The following FAM81B variants were observed in gnomAD, a reference collection of about 807,000 sequenced individuals.
The protein encoded by FAM81B is protein FAM81B.
FAM81B carries 60 observed loss-of-function variants against 58.7 expected under a neutral mutation model. The observed-to-expected ratio is 1.02, with a 90% CI of 0.83 to 1.27. The LOEUF (loss-of-function observed/expected upper bound fraction) is 1.27, where lower values mean the gene tolerates loss of function less well. Among genes scored for constraint, FAM81B ranks in the 50% most tolerant of loss-of-function variants. The pLI, the probability that FAM81B is intolerant of heterozygous loss-of-function variation, is 0.00. For missense variants in FAM81B, 491 were observed against 522.0 expected, an observed-to-expected ratio of 0.94 and a Z score of 0.58; for synonymous variants, 189 against 179.6, an observed-to-expected ratio of 1.05 and a Z score of -0.42.
chr5:95,428,527 A>G, intron 5 of FAM81B, 76 bp from the exon 6 acceptor site: 1 of 1,541,850 alleles, frequency 6.5e-7, no homozygotes, highest in South Asian at 1.2e-5. Flanking sequence ...CCATCAAATG[A>G]ATGTGCAGGT....
At position 95,411,097 on chromosome 5, in the gene FAM81B, A is replaced by G. The variant is rs183622600; in HGVS notation, c.294-2850A>G. 1.5e-3 allele frequency among the ~76,000 whole-genome samples: 232 copies of G among 152,318 alleles called. 3 individuals are homozygous for G. Among genetic ancestry groups the G allele is most frequent in the African/African-American group, 5.5e-3 (229 of 41,580 alleles). ...AGGAATGTTGTCATGTTCATGTATA[A>G]AAAATGTGACTTGGTATAGGGTCAG... On this transcript the variant is annotated intron_variant, in intron 3 of 9. Coordinates refer to ENST00000283357, the MANE Select transcript of FAM81B (RefSeq NM_152548.3).
intron 7 of FAM81B, among the ~76,000 whole-genome samples, chr5:95,441,659 AT>A (rs753933190): frequency 1.3e-5 from 2 of 152,196 alleles, no homozygotes; most frequent in Admixed American, 6.5e-5. Flanking sequence ...ACATTTACAA[AT>A]TCAAGTTTAA....
chr5:95,424,292 A>G, intron 5 of FAM81B: 1 of 1,166,098 alleles, frequency 8.6e-7, no homozygotes, highest in Non-Finnish European at 1.1e-6. Flanking sequence ...ACAGACAGAT[A>G]GATGATAGAC....
intron 5 of FAM81B, among the ~76,000 whole-genome samples, chr5:95,428,343 C>CAATAATAAA (rs1406751253): frequency 6.6e-6 from 1 of 152,160 alleles, no homozygotes; most frequent in Non-Finnish European, 1.5e-5. Context: ...AAAATTCCCT[C>CAATAATAAA]AATTTACCAC....
rs1745749842 is a variant in FAM81B, at chr5:95,450,282, A to C, written c.1359A>C (p.Ter453TyrextTer38). 6.2e-7 allele frequency: 1 copy of C among 1,611,236 alleles called. No individual in the cohort carries two copies. Among genetic ancestry groups the C allele is most frequent in the Non-Finnish European group, 8.5e-7 (1 of 1,179,044 alleles). The change falls in exon 10 of 10, where the codon TAA (stop) becomes TAC (tyrosine). Residue 453 changes from the stop codon to tyrosine (Y), a stop_lost. Transcript: ENST00000283357. ...QRKIVELQEV[*>Y] ...AGATAGTGGAACTCCAGGAAGTATA[A>C]ACCTTTTCAGTCATCTTCTTTTTCA... is the stretch of plus-strand genomic sequence containing the variant.
chr5:95,421,572 G>C (rs1475086064), intron 5 of FAM81B, among the ~76,000 whole-genome samples: 1 of 152,002 alleles, frequency 6.6e-6, no homozygotes, highest in Non-Finnish European at 1.5e-5. Context: ...AAGGTAAAGA[G>C]TTCGAACTTT....
intron 3 of FAM81B, 110 bp downstream of exon 3, chr5:95,396,285 T>G (rs761555943): frequency 3.3e-5 from 25 of 762,810 alleles, no homozygotes; most frequent in Middle Eastern, 7.5e-4. Flanking sequence ...CAGAGATGAA[T>G]GTACCTGAAT....
At chr5:95,440,080 A>C in intron 7 of FAM81B, 2 of 497,212 alleles carry the variant, frequency 4.0e-6, no homozygotes, top group South Asian at 3.4e-5. Context: ...CCAGAAAATT[A>C]GACACTACAA....
chr5:95,426,962 T>C (rs1363032366), intron 5 of FAM81B, among the ~76,000 whole-genome samples: 3 of 152,004 alleles, frequency 2.0e-5, no homozygotes, highest in Non-Finnish European at 4.4e-5. Context: ...GGCAGGAGAA[T>C]GGCGTGAACC....
At chr5:95,426,980 C>T (rs561833961) in intron 5 of FAM81B, among the ~76,000 whole-genome samples, 9 of 151,938 alleles carry the variant, frequency 5.9e-5, no homozygotes, top group East Asian at 1.9e-4. Flanking sequence ...ACCTGGGAGG[C>T]GGAGCTTGCA....
chr5:95,410,219 G>T (rs1762370858), intron 3 of FAM81B, among the ~76,000 whole-genome samples: 1 of 152,260 alleles, frequency 6.6e-6, no homozygotes, highest in East Asian at 1.9e-4. Context: ...GTTCAAGGTG[G>T]AACAACAACC....
intron 3 of FAM81B, among the ~76,000 whole-genome samples, chr5:95,398,460 T>G (rs575106504): frequency 1.0e-3 from 148 of 142,170 alleles, no homozygotes; most frequent in African/African-American, 3.8e-3. Context: ...ATAAAAAACT[T>G]CAGCCTTCAA....
At chr5:95,428,538 GT>G in intron 5 of FAM81B, 64 bp from the exon 6 acceptor site, 1 of 1,579,638 alleles carries the variant, frequency 6.3e-7, no homozygotes, top group Non-Finnish European at 8.6e-7. Flanking sequence ...ATGTGCAGGT[GT>G]CTACTATAGT....
intron 3 of FAM81B, among the ~76,000 whole-genome samples, chr5:95,404,612 C>CT (rs1554043082): frequency 0.027 from 4,121 of 151,736 alleles, 187 homozygotes; most frequent in African/African-American, 0.094. Flanking sequence ...TATGGAGCCA[C>CT]TTTTTTTTGG....
In FAM81B at chr5:95,391,433, GA is replaced by G; in HGVS notation, c.51del (p.Lys17AsnfsTer23). 2 of 1,612,656 alleles carry G rather than the reference GA, an allele frequency of 1.2e-6. No individual in the cohort carries two copies. Among genetic ancestry groups the G allele is most frequent in the Non-Finnish European group, 1.7e-6 (2 of 1,179,426 alleles). On this transcript the variant is annotated frameshift_variant, in exon 1 of 10. Transcript: ENST00000283357. LOFTEE classifies it high-confidence loss of function. ...FLGTLASSEK[R>X]KKSQRLFFKN... is the part of the protein sequence containing the mutation. Reference sequence around the variant, plus strand: ...GGTACATTGGCTTCCTCAGAAAAAAGAAAAAAATCACAGAGATTGTTTTTCA... The same window carrying G: ...GGTACATTGGCTTCCTCAGAAAAAAGAAAAAATCACAGAGATTGTTTTTCA...
Position 95,448,634 on chromosome 5 carries a change from G to T in FAM81B, c.1225+170G>T, listed in dbSNP as rs528930500. ...TAGAATATGAGTATTATACTGGAAG[G>T]CATATAAATAAATTAACTTTCTTCA... On this transcript the variant is annotated intron_variant, in intron 9 of 9. Transcript: ENST00000283357. 3.1e-5 allele frequency: 21 copies of T among 677,188 alleles called. No individual in the cohort carries two copies. In the South Asian group the frequency reaches 3.9e-4, roughly 13 times the overall value. 41.9% of individuals were successfully genotyped at this position (677,188 alleles called of 1,614,324 possible).
intron 4 of FAM81B, among the ~76,000 whole-genome samples, chr5:95,417,272 T>C (rs1468791777): frequency 2.0e-5 from 3 of 152,218 alleles, no homozygotes; most frequent in Non-Finnish European, 4.4e-5. Flanking sequence ...TTGAAATTTA[T>C]CACTTTAATT....
At chr5:95,440,538 G>A (rs943831380) in intron 7 of FAM81B, 4 of 569,120 alleles carry the variant, frequency 7.0e-6, no homozygotes, top group East Asian at 4.0e-5. Context: ...TGCAGGAGAT[G>A]CAGTTCTTAA....
At chr5:95,407,421 C>T (rs544370505) in intron 3 of FAM81B, among the ~76,000 whole-genome samples, 24 of 150,752 alleles carry the variant, frequency 1.6e-4, no homozygotes, top group African/African-American at 3.9e-4. Flanking sequence ...CACACACACA[C>T]GCGTGCGCGC....
Sources: gnomAD v4.1 joint callset for allele counts (sites outside exome capture counted in the v4.1 genomes callset) on GRCh38, gnomAD v4.1.1 for gene constraint, MANE v1.5 for transcripts, NCBI Gene and HGNC (gene_info 2026-07-23, HGNC 2026-07-21) for gene names.